CHST9: variants seen among roughly 807,000 people sequenced by gnomAD.
CHST9 encodes the protein carbohydrate sulfotransferase 9.
A neutral mutation model predicts 44.4 loss-of-function variants in CHST9; 41 were observed. The ratio of observed to expected loss-of-function variants is 0.92; its 90% CI spans 0.72 to 1.20. CHST9 has a LOEUF of 1.20. Ranked by LOEUF, CHST9 falls within the 50% of genes most tolerant of loss-of-function variation. The pLI is 0.00. For missense variants in CHST9, 504 were observed against 516.5 expected, an observed-to-expected ratio of 0.98 and a Z score of 0.23; for synonymous variants, 171 against 178.4, an observed-to-expected ratio of 0.96 and a Z score of 0.33.
At chr18:27,115,948 G>A (rs1447547514) in intron 2 of CHST9, among the ~76,000 whole-genome samples, 3 of 152,204 alleles carry the variant, frequency 2.0e-5, no homozygotes, top group African/African-American at 7.2e-5. Context: ...CTTCTTTGGA[G>A]AAATGTCTAT....
intron 4 of CHST9, among the ~76,000 whole-genome samples, chr18:27,011,576 A>T (rs1345304652): frequency 6.6e-6 from 1 of 152,234 alleles, no homozygotes; most frequent in East Asian, 1.9e-4. Context: ...CCCACCAGGA[A>T]ACTAGAGTGG....
In CHST9 at chr18:27,139,800, T is replaced by C. The variant is rs574410039; in HGVS notation, c.121+2889A>G. ...GAATAAATGGTAAGTGTTTTACCAG[T>C]CTTAACCAAGGAAAATAATTTTCCA... On this transcript the variant is annotated intron_variant, in intron 2 of 5. Transcript: ENST00000618847. 1.4e-4 allele frequency among the ~76,000 whole-genome samples: 22 copies of C among 152,262 alleles called. No individual in the cohort carries two copies. The South Asian group carries it at 4.6e-3, about 32-fold the overall frequency.
chr18:27,093,508 C>T (rs2058088445), intron 2 of CHST9, among the ~76,000 whole-genome samples: 1 of 152,204 alleles, frequency 6.6e-6, no homozygotes, highest in Admixed American at 6.5e-5. Context: ...CAGACTGCTG[C>T]GCTAGCAGTG....
At chr18:27,001,915 T>C (rs2145228216) in intron 4 of CHST9, among the ~76,000 whole-genome samples, 1 of 152,140 alleles carries the variant, frequency 6.6e-6, no homozygotes, top group South Asian at 2.1e-4. Context: ...GAGGGAACAG[T>C]GGAATTATGA....
intron 1 of CHST9, among the ~76,000 whole-genome samples, chr18:27,170,541 T>C (rs1330425520): frequency 1.3e-5 from 2 of 152,212 alleles, no homozygotes; most frequent in Non-Finnish European, 2.9e-5. Flanking sequence ...TTCAGTGTGA[T>C]AGTGAATACA....
chr18:27,157,322 A>T (rs547604760), intron 1 of CHST9, among the ~76,000 whole-genome samples: 1 of 152,310 alleles, frequency 6.6e-6, no homozygotes, highest in East Asian at 1.9e-4. Context: ...AAAACTCTAT[A>T]AAACACTAGA....
chr18:26,972,350 C>T (rs1471924733), intron 4 of CHST9, among the ~76,000 whole-genome samples: 1 of 114,448 alleles, frequency 8.7e-6, no homozygotes, highest in Non-Finnish European at 1.7e-5. Context: ...GAGCAAGACT[C>T]CAACTCCAAA....
At chr18:27,011,645 T>A (rs1189027582) in intron 4 of CHST9, among the ~76,000 whole-genome samples, 1 of 152,240 alleles carries the variant, frequency 6.6e-6, no homozygotes, top group Non-Finnish European at 1.5e-5. Context: ...ACCATAGAAA[T>A]AAGTTCAGGG....
intron 5 of CHST9, among the ~76,000 whole-genome samples, chr18:26,924,334 G>A (rs2145067991): frequency 6.6e-6 from 1 of 152,206 alleles, no homozygotes; most frequent in South Asian, 2.1e-4. Flanking sequence ...AATAGAAGTA[G>A]CAGTTTTTAT....
chr18:27,081,175 A>G (rs1021304851), intron 2 of CHST9, among the ~76,000 whole-genome samples: 3 of 152,064 alleles, frequency 2.0e-5, no homozygotes, highest in African/African-American at 2.4e-5. Flanking sequence ...TCTACTAACA[A>G]TTAGAAAAAA....
At chr18:26,967,401 T>C (rs770885998) in intron 4 of CHST9, among the ~76,000 whole-genome samples, 1 of 152,206 alleles carries the variant, frequency 6.6e-6, no homozygotes, top group Admixed American at 6.5e-5. Context: ...TACTTGTTTT[T>C]TGCTTTTGTA....
At chr18:27,089,103 T>C (rs977911621) in intron 2 of CHST9, among the ~76,000 whole-genome samples, 9 of 152,258 alleles carry the variant, frequency 5.9e-5, no homozygotes, top group African/African-American at 2.2e-4. Context: ...TAATTGTTAA[T>C]GAAGCTCTAT....
chr18:27,007,988 A>T (rs917275463), intron 4 of CHST9, among the ~76,000 whole-genome samples: 8 of 152,194 alleles, frequency 5.3e-5, no homozygotes, highest in African/African-American at 1.9e-4. Context: ...GACAGAAAGC[A>T]TCCAGTAGAG....
intron 2 of CHST9, among the ~76,000 whole-genome samples, chr18:27,107,722 A>T (rs905261668): frequency 2.6e-5 from 4 of 152,280 alleles, no homozygotes; most frequent in Non-Finnish European, 5.9e-5. Context: ...CATTCCACAG[A>T]GATAGCCACA....
At chr18:27,141,740 C>G (rs1305305845) in intron 2 of CHST9, among the ~76,000 whole-genome samples, 2 of 107,662 alleles carry the variant, frequency 1.9e-5, no homozygotes, top group Non-Finnish European at 1.9e-5. Context: ...TCTAGAATAA[C>G]TTAAAAAAAA....
Position 27,160,253 on chromosome 18 carries a change from G to A in CHST9, c.-96-17348C>T, listed in dbSNP as rs2058734895. ...ATGATATTGGCTGTGGGTTTATCAT[G>A]GATAGCTCTTATTATTTTGAGATAC... On this transcript the variant is annotated intron_variant, in intron 1 of 5. Coordinates refer to ENST00000618847, the MANE Select transcript of CHST9 (RefSeq NM_031422.6). 3.3e-5 allele frequency among the ~76,000 whole-genome samples: 5 copies of A among 152,014 alleles called. No individual in the cohort carries two copies. The South Asian group carries it at 1.0e-3, about 31-fold the overall frequency.
chr18:27,147,186 T>TC (rs1400018309), intron 1 of CHST9, among the ~76,000 whole-genome samples: 2 of 152,102 alleles, frequency 1.3e-5, no homozygotes, highest in African/African-American at 2.4e-5. Flanking sequence ...TGCCTCAGGC[T>TC]CCCCATTAGC....
chr18:27,027,777 TCA>T (rs1210534402), intron 3 of CHST9, among the ~76,000 whole-genome samples: 1 of 152,268 alleles, frequency 6.6e-6, no homozygotes, highest in African/African-American at 2.4e-5. Flanking sequence ...TGTATATTTC[TCA>T]GTTTCTGTTT....
chr18:26,949,907 T>C, intron 4 of CHST9, among the ~76,000 whole-genome samples: 1 of 152,174 alleles, frequency 6.6e-6, no homozygotes, highest in Non-Finnish European at 1.5e-5. Flanking sequence ...AGCCAAGTAC[T>C]GTGGGCAACC....
Sources: gnomAD v4.1 joint callset for allele counts (sites outside exome capture counted in the v4.1 genomes callset) on GRCh38, gnomAD v4.1.1 for gene constraint, MANE v1.5 for transcripts, NCBI Gene and HGNC (gene_info 2026-07-23, HGNC 2026-07-21) for gene names.